Variants in SYNDIG1 observed in about 807,000 individuals in gnomAD.
SYNDIG1 encodes synapse differentiation inducing 1.
Under a neutral mutation model 19.4 loss-of-function variants are expected in SYNDIG1, and 9 were observed. The observed-to-expected ratio is 0.46, with a 90% CI of 0.28 to 0.81. The LOEUF is 0.81. SYNDIG1 is among the 30% of genes least tolerant of loss of function. SYNDIG1 has a pLI of 0.12. For synonymous variants in SYNDIG1, 141 were observed against 145.9 expected (o/e 0.97, Z 0.24); for missense variants, 311 against 343.3 (o/e 0.91, Z 0.74).
chr20:24,548,415 A>C (rs6049780), intron 2 of SYNDIG1, among the ~76,000 whole-genome samples: 10 of 152,328 alleles, frequency 6.6e-5, no homozygotes, highest in African/African-American at 2.4e-4. Context: ...TCCCATGTAA[A>C]AACTTGAAAG....
intron 3 of SYNDIG1, among the ~76,000 whole-genome samples, chr20:24,651,860 G>C (rs994097625): frequency 1.2e-4 from 19 of 152,164 alleles, no homozygotes; most frequent in Admixed American, 1.1e-3. Context: ...TGCCACACAG[G>C]AAGTTCAGCT....
intron 1 of SYNDIG1, among the ~76,000 whole-genome samples, chr20:24,476,049 C>T (rs1462573672): frequency 1.3e-5 from 2 of 151,902 alleles, no homozygotes; most frequent in African/African-American, 4.8e-5. Context: ...TTAGTAGAGT[C>T]GTGGTTTCAC....
At chr20:24,534,979 G>T (rs537049600) in intron 1 of SYNDIG1, among the ~76,000 whole-genome samples, 83 of 152,334 alleles carry the variant, frequency 5.4e-4, no homozygotes, top group African/African-American at 1.9e-3. Context: ...GTATTATTTT[G>T]TCACCAACCA....
chr20:24,518,070 T>C (rs1332337020), intron 1 of SYNDIG1, among the ~76,000 whole-genome samples: 1 of 151,928 alleles, frequency 6.6e-6, no homozygotes, highest in Non-Finnish European at 1.5e-5. Context: ...CTTCCCAAAG[T>C]GCTGTTTTTT....
chr20:24,569,801 A>C (rs2058111244), intron 2 of SYNDIG1, among the ~76,000 whole-genome samples: 1 of 152,218 alleles, frequency 6.6e-6, no homozygotes, highest in Non-Finnish European at 1.5e-5. Context: ...AGAAAAGATA[A>C]GATGAAGCGA....
intron 3 of SYNDIG1, among the ~76,000 whole-genome samples, chr20:24,656,874 C>T (rs1403827831): frequency 2.0e-5 from 3 of 152,228 alleles, no homozygotes; most frequent in Non-Finnish European, 1.5e-5. Flanking sequence ...GAGTTGGGGC[C>T]TGGTGGGAAG....
At chr20:24,516,399 T>A (rs1292611663) in intron 1 of SYNDIG1, among the ~76,000 whole-genome samples, 1 of 152,154 alleles carries the variant, frequency 6.6e-6, no homozygotes, top group Non-Finnish European at 1.5e-5. Context: ...ACAGGCAACC[T>A]ACAGAATGGG....
chr20:24,554,203 G>C (rs1038960905), intron 2 of SYNDIG1, among the ~76,000 whole-genome samples: 1 of 152,084 alleles, frequency 6.6e-6, no homozygotes, highest in Admixed American at 6.5e-5. Context: ...AGGAGATTTT[G>C]GGCTGAGACA....
chr20:24,593,068 T>C (rs1259434480), intron 3 of SYNDIG1, among the ~76,000 whole-genome samples: 1 of 152,282 alleles, frequency 6.6e-6, no homozygotes. Flanking sequence ...ACTCAGTTTG[T>C]CTTTCTTTAA....
At chr20:24,530,580 GTATCATTCGCTTAGCAGTAGGGAAGT>G (rs2057235257) in intron 1 of SYNDIG1, among the ~76,000 whole-genome samples, 1 of 152,112 alleles carries the variant, frequency 6.6e-6, no homozygotes. Context: ...TGAATTACAC[GTATCATTCGCTTAGCAGTAGGGAAGT>G]TTTACTATTT....
At chr20:24,519,211 T>C (rs556646565) in intron 1 of SYNDIG1, among the ~76,000 whole-genome samples, 7 of 152,348 alleles carry the variant, frequency 4.6e-5, no homozygotes, top group African/African-American at 1.7e-4. Context: ...GAGTTTATGA[T>C]GTTAATTAAT....
chr20:24,663,179 G>A (rs554006074), intron 3 of SYNDIG1, among the ~76,000 whole-genome samples: 14 of 152,296 alleles, frequency 9.2e-5, no homozygotes, highest in African/African-American at 1.9e-4. Context: ...CGCAGATGCC[G>A]AGTGACGTTG....
intron 3 of SYNDIG1, among the ~76,000 whole-genome samples, chr20:24,630,491 A>T (rs1432485758): frequency 2.6e-5 from 4 of 152,252 alleles, no homozygotes; most frequent in Non-Finnish European, 4.4e-5. Flanking sequence ...TACCTTATTC[A>T]TCAGGGCCCC....
intron 1 of SYNDIG1, among the ~76,000 whole-genome samples, chr20:24,484,208 G>A (rs1600397090): frequency 6.6e-6 from 1 of 152,092 alleles, no homozygotes; most frequent in Non-Finnish European, 1.5e-5. Context: ...ATTTTGGAGG[G>A]GTCGGCTGGG....
intron 1 of SYNDIG1, among the ~76,000 whole-genome samples, chr20:24,483,549 G>C (rs1039984311): frequency 2.0e-5 from 3 of 152,138 alleles, no homozygotes; most frequent in African/African-American, 7.2e-5. Context: ...CTTCCCCTGG[G>C]CACCTCCCTG....
intron 1 of SYNDIG1, among the ~76,000 whole-genome samples, chr20:24,496,941 C>T (rs1161580672): frequency 6.6e-6 from 1 of 152,098 alleles, no homozygotes; most frequent in Non-Finnish European, 1.5e-5. Flanking sequence ...CCTCCTGGTA[C>T]CTTTGAGTTT....
intron 3 of SYNDIG1, among the ~76,000 whole-genome samples, chr20:24,624,625 G>C (rs2059093557): frequency 6.6e-6 from 1 of 152,188 alleles, no homozygotes; most frequent in African/African-American, 2.4e-5. Flanking sequence ...GTAATTGATA[G>C]ATCAAGCAGA....
intron 1 of SYNDIG1, chr20:24,491,853 TG>T (rs1211607344): frequency 1.3e-5 from 2 of 152,156 alleles, no homozygotes; most frequent in Non-Finnish European, 2.9e-5. Context: ...GAAAACAAAA[TG>T]GAAAATGAGG....
At chr20:24,588,644 T>A (rs757511295) in intron 3 of SYNDIG1, among the ~76,000 whole-genome samples, 1 of 152,112 alleles carries the variant, frequency 6.6e-6, no homozygotes. Context: ...CAGTCTCGGC[T>A]GGGAATCTAA....
Sources: allele counts gnomAD v4.1 joint callset (sites outside exome capture counted in the v4.1 genomes callset), GRCh38; gene constraint gnomAD v4.1.1; transcripts MANE v1.5; gene names NCBI Gene and HGNC (gene_info 2026-07-23, HGNC 2026-07-21).